MAPK6: variants seen among roughly 807,000 people sequenced by gnomAD.
MAPK6 encodes ERK-3.
MAPK6 carries 19 observed loss-of-function variants against 59.3 expected under a neutral mutation model. The ratio of observed to expected loss-of-function variants is 0.32; its 90% CI spans 0.22 to 0.47. The LOEUF is 0.47. Among genes scored for constraint, MAPK6 ranks in the 20% least tolerant of loss-of-function variants. The probability of loss-of-function intolerance (pLI) is 1.00; values close to 1 mark genes in which losing one functional copy is unlikely to be tolerated. For synonymous variants in MAPK6, 316 were observed against 290.3 expected (o/e 1.09, Z -0.90); for missense variants, 724 against 847.9 (o/e 0.85, Z 1.81).
At chr15:52,019,527 A>G (rs909763487) in intron 1 of MAPK6, among the ~76,000 whole-genome samples, 151 bp downstream of exon 1, 5 of 145,106 alleles carry the variant, frequency 3.4e-5, no homozygotes, top group Non-Finnish European at 7.6e-5. Context: ...CCGCTCAACA[A>G]AGGCGTTTTT....
Position 51,998,009 on chromosome 15 carries a change from T to TCTCAG in MAPK6, c.-769-6251_-769-6247dup, listed in dbSNP as rs564233281. Among the ~76,000 whole-genome samples, 30 of 151,666 alleles carry TCTCAG rather than the reference T, an allele frequency of 2.0e-4. 2 individuals are homozygous for TCTCAG. In the South Asian group the frequency reaches 6.2e-3, roughly 32 times the overall value. On this transcript the variant is annotated intron_variant, in intron 2 of 7. Transcript: ENST00000691380. ...ACCAGGCTGGAGTGCAGTGGCATGA[T>TCTCAG]CTCAGCTCACTGCAACCTCTACCTC...
intron 2 of MAPK6, among the ~76,000 whole-genome samples, chr15:52,048,354 C>T (rs1022315615): frequency 1.6e-4 from 24 of 152,090 alleles, no homozygotes; most frequent in Non-Finnish European, 3.2e-4. Context: ...TACAGTGGCT[C>T]ACACCTGTAA....
chr15:52,001,565 GTGGTACAA>G (rs1455059363), intron 2 of MAPK6, among the ~76,000 whole-genome samples: 3 of 143,984 alleles, frequency 2.1e-5, no homozygotes, highest in African/African-American at 7.8e-5. Flanking sequence ...CTGGGGTGCA[GTGGTACAA>G]TCTCGGCTCA....
At chr15:52,019,105 A>G (rs1249709961), upstream of MAPK6, 1 of 152,256 alleles carries the variant, frequency 6.6e-6, no homozygotes, top group Non-Finnish European at 1.5e-5. Flanking sequence ...CAGCCCAGTC[A>G]CGGGCGCTGG....
intron 3 of MAPK6, among the ~76,000 whole-genome samples, chr15:52,056,507 T>C (rs753896039): frequency 7.2e-5 from 11 of 152,168 alleles, no homozygotes; most frequent in Non-Finnish European, 1.5e-4. Flanking sequence ...CCAGTCAGGC[T>C]TTGTCCTCCA....
chr15:52,010,288 G>T (rs1473148731), intron 3 of MAPK6, among the ~76,000 whole-genome samples: 7 of 151,816 alleles, frequency 4.6e-5, no homozygotes, highest in African/African-American at 1.7e-4. Flanking sequence ...GCATGATCTT[G>T]GCTCACTGCA....
intron 1 of MAPK6, among the ~76,000 whole-genome samples, chr15:52,030,333 A>G (rs941823473): frequency 9.2e-5 from 14 of 152,172 alleles, no homozygotes; most frequent in Admixed American, 2.0e-4. Flanking sequence ...CTTATTCTCT[A>G]CTATATTGTC....
At chr15:52,041,914 A>G (rs1158674290) in intron 1 of MAPK6, among the ~76,000 whole-genome samples, 4 of 152,186 alleles carry the variant, frequency 2.6e-5, no homozygotes, top group Non-Finnish European at 4.4e-5. Flanking sequence ...TTTTTAAAAA[A>G]ATTGTTTGTC....
chr15:51,998,679 C>T (rs1211052411), intron 2 of MAPK6, among the ~76,000 whole-genome samples: 1 of 46,516 alleles, frequency 2.1e-5, no homozygotes, highest in South Asian at 1.0e-3. Context: ...CGCCACCATG[C>T]CTGGTTAATT....
chr15:52,041,185 G>T (rs1309237518), intron 1 of MAPK6, among the ~76,000 whole-genome samples: 1 of 144,036 alleles, frequency 6.9e-6, no homozygotes, highest in Non-Finnish European at 1.5e-5. Flanking sequence ...TTTAAACTTT[G>T]TTTTTTTGTT....
chr15:52,009,824 G>T (rs1038347184), intron 3 of MAPK6, among the ~76,000 whole-genome samples: 4 of 151,900 alleles, frequency 2.6e-5, no homozygotes, highest in African/African-American at 9.7e-5. Context: ...CCAGGCTAGA[G>T]TGCAGTGGTG....
intron 1 of MAPK6, among the ~76,000 whole-genome samples, chr15:52,027,358 A>G (rs797014714): frequency 2.7e-5 from 4 of 148,634 alleles, no homozygotes; most frequent in African/African-American, 9.8e-5. Flanking sequence ...TCAAAAAAAA[A>G]AAAAAAAAAA....
intron 3 of MAPK6, among the ~76,000 whole-genome samples, chr15:52,054,692 C>T (rs2031899909): frequency 2.0e-5 from 3 of 151,202 alleles, no homozygotes; most frequent in Non-Finnish European, 2.9e-5. Flanking sequence ...TTTACCTTCT[C>T]GAATGAACAA....
upstream of MAPK6, among the ~76,000 whole-genome samples, chr15:52,015,825 A>C (rs2030220770): frequency 6.8e-6 from 1 of 146,052 alleles, no homozygotes; most frequent in Non-Finnish European, 1.5e-5. Context: ...TGGGAGGCTG[A>C]GGTGGGCAGA....
chr15:51,984,321 G>A (rs1363637306), intron 2 of MAPK6, among the ~76,000 whole-genome samples: 3 of 151,862 alleles, frequency 2.0e-5, no homozygotes, highest in South Asian at 2.1e-4. Context: ...TCGCTCTGTC[G>A]CCCAGGCTGG....
At chr15:52,004,909 C>T (rs2057253398) in intron 3 of MAPK6, among the ~76,000 whole-genome samples, 1 of 152,172 alleles carries the variant, frequency 6.6e-6, no homozygotes, top group African/African-American at 2.4e-5. Context: ...TCCCTTCTGT[C>T]GCTCTGAGGC....
chr15:52,026,472 G>T (rs886481085), intron 1 of MAPK6, among the ~76,000 whole-genome samples: 1 of 152,016 alleles, frequency 6.6e-6, no homozygotes, highest in Non-Finnish European at 1.5e-5. Context: ...TATGTTTTTA[G>T]TAGAGATGGG....
At chr15:51,990,336 G>C (rs2057204207) in intron 2 of MAPK6, among the ~76,000 whole-genome samples, 1 of 152,210 alleles carries the variant, frequency 6.6e-6, no homozygotes, top group African/African-American at 2.4e-5. Flanking sequence ...AAAAGAAGCA[G>C]GTTGATCTCC....
At position 52,066,067 on chromosome 15, in the gene MAPK6, TTGTTTTTACTGTA is replaced by T. The variant is rs953160888; in HGVS notation, c.*1079_*1091del. The T allele has an allele frequency of 6.6e-6, 1 of 152,656 alleles. No individual in the cohort carries two copies. 9.5% of individuals were successfully genotyped at this position (152,656 alleles called of 1,614,324 possible). A position where few individuals can be genotyped will look rare whatever the true frequency, so the allele number is the denominator to read the frequency against. On this transcript the variant is annotated 3_prime_UTR_variant, in exon 6 of 6. Transcript: ENST00000261845. The stretch of plus-strand genomic sequence containing the variant: ...TGAAAGTTGTACATGATAAGACATT[TTGTTTTTACTGTA>T]TGTTTTTACTGAATGATCTATTCCC...
Sources: allele counts gnomAD v4.1 joint callset (sites outside exome capture counted in the v4.1 genomes callset), GRCh38; gene constraint gnomAD v4.1.1; transcripts MANE v1.5; gene names NCBI Gene and HGNC (gene_info 2026-07-23, HGNC 2026-07-21).